POLR1E: variants seen among roughly 807,000 people sequenced by gnomAD.
The protein encoded by POLR1E is DNA-directed RNA polymerase I subunit RPA49.
POLR1E carries 37 observed loss-of-function variants against 50.9 expected under a neutral mutation model. The observed-to-expected ratio is 0.73, with a 90% CI of 0.56 to 0.96. The LOEUF (loss-of-function observed/expected upper bound fraction) is 0.96. Among genes scored for constraint, POLR1E ranks in the 40% least tolerant of loss-of-function variants. The probability of loss-of-function intolerance (pLI) is 0.00; values close to 1 mark genes in which losing one functional copy is unlikely to be tolerated. For synonymous variants in POLR1E, 166 were observed against 191.6 expected, an observed-to-expected ratio of 0.87 and a Z score of 1.10; for missense variants, 426 against 518.1, an observed-to-expected ratio of 0.82 and a Z score of 1.73.
chr9:37,491,037 G>A, intron 4 of POLR1E: 1 of 245,782 alleles, frequency 4.1e-6, no homozygotes, highest in Non-Finnish European at 8.0e-6. Context: ...CTTTCACGTT[G>A]AGGACAAGTC....
chr9:37,497,312 G>T (rs1048494739), intron 8 of POLR1E, among the ~76,000 whole-genome samples: 1 of 152,168 alleles, frequency 6.6e-6, no homozygotes. Flanking sequence ...CCAAGATTGC[G>T]CCATTGCACT....
intron 8 of POLR1E, among the ~76,000 whole-genome samples, chr9:37,497,565 C>G (rs1332690941): frequency 6.6e-6 from 1 of 152,142 alleles, no homozygotes; most frequent in Non-Finnish European, 1.5e-5. Context: ...GGAGCACAGC[C>G]CTGTTCATTT....
At chr9:37,495,688 C>T (rs1420920994) in intron 7 of POLR1E, among the ~76,000 whole-genome samples, 2 of 152,200 alleles carry the variant, frequency 1.3e-5, no homozygotes, top group African/African-American at 2.4e-5. Context: ...TGAGAAAAAG[C>T]AGAAAAGCCT....
Position 37,486,036 on chromosome 9 carries a change from C to T in POLR1E, c.-12C>T, listed in dbSNP as rs769644660. On this transcript the variant is annotated 5_prime_UTR_variant, in exon 1 of 12. Coordinates refer to ENST00000377798, the MANE Select transcript of POLR1E (RefSeq NM_022490.4). ...TGTCTTAACTCCTGTGCTTGGCGGA[C>T]AGACAGGCGAGATGGCGGCGGAGGT... 1.3e-6 allele frequency: 2 copies of T among 1,596,552 alleles called. No individual in the cohort carries two copies. The highest frequency in any genetic ancestry group is 1.1e-5 in the South Asian group (1 of 87,766).
rs188245174 is a variant in POLR1E, at chr9:37,489,866, G to A, written c.343+466G>A. Among the ~76,000 whole-genome samples the A allele has an allele frequency of 7.9e-5, 12 of 152,262 alleles. No individual in the cohort carries two copies. The East Asian group carries it at 9.7e-4, about 12-fold the overall frequency. On this transcript the variant is annotated intron_variant, in intron 4 of 11. Transcript: ENST00000377798. ...TAGGATTACAGGCGCTAGCCACTGC[G>A]CCCGGCCTAGAGTTTTTTATTCAGC...
At chr9:37,493,264 C>T (rs1358004402) in intron 5 of POLR1E, among the ~76,000 whole-genome samples, 1 of 152,164 alleles carries the variant, frequency 6.6e-6, no homozygotes, top group Non-Finnish European at 1.5e-5. Flanking sequence ...TCTACTATTC[C>T]TGTCTGTTAC....
intron 4 of POLR1E, among the ~76,000 whole-genome samples, chr9:37,492,130 C>G (rs2119004802): frequency 6.6e-6 from 1 of 152,202 alleles, no homozygotes. Context: ...GTTAGATGAC[C>G]TTATCAGGGG....
intron 11 of POLR1E, among the ~76,000 whole-genome samples, chr9:37,502,821 T>C (rs888582467): frequency 6.6e-6 from 1 of 152,216 alleles, no homozygotes; most frequent in Non-Finnish European, 1.5e-5. Context: ...ATCACCCATA[T>C]GGATCTTTTG....
intron 3 of POLR1E, among the ~76,000 whole-genome samples, chr9:37,488,873 A>G (rs538655679): frequency 6.7e-6 from 1 of 149,438 alleles, no homozygotes; most frequent in African/African-American, 2.5e-5. Flanking sequence ...GGGGTAGGGG[A>G]GATTATTGTT....
intron 4 of POLR1E, chr9:37,492,391 T>G (rs1309953334): frequency 9.2e-7 from 1 of 1,089,388 alleles, no homozygotes; most frequent in Non-Finnish European, 1.3e-6. Flanking sequence ...TAATTTCATC[T>G]GTGGGCCTTC....
chr9:37,495,120 G>A, intron 6 of POLR1E, 49 bp from the exon 7 acceptor site: 1 of 1,444,964 alleles, frequency 6.9e-7, no homozygotes, highest in Non-Finnish European at 9.7e-7. Flanking sequence ...GAATGTTGGG[G>A]AACTGGAAAC....
intron 8 of POLR1E, among the ~76,000 whole-genome samples, chr9:37,496,764 C>T (rs916340486): frequency 2.6e-5 from 4 of 151,816 alleles, no homozygotes; most frequent in Middle Eastern, 3.2e-3. Context: ...ACTGAGTCCC[C>T]GAACTCTGCC....
chr9:37,490,445 A>G (rs1588799749), intron 4 of POLR1E: 5 of 838,820 alleles, frequency 6.0e-6, no homozygotes, highest in Admixed American at 1.7e-5. Flanking sequence ...CATAGGGAAT[A>G]GGTTCCAGCA....
At position 37,501,749 on chromosome 9, in the gene POLR1E, G is replaced by C. The variant is rs148401018; in HGVS notation, c.1005G>C (p.Lys335Asn). ...TAATTTCGGATTCTATGAAGGCGAA[G>C]ATTACTGCATATGTGATCATACTTG... is the stretch of plus-strand genomic sequence containing the variant. ...RNLISDSMKA[K>N]ITAYVIILAL... Residue 335 changes from lysine (K) to asparagine (N), a missense_variant, in exon 11 of 12, where the codon AAG becomes AAC. Transcript: ENST00000377798. 7.9e-5 allele frequency: 128 copies of C among 1,613,788 alleles called. 2 individuals carry two copies. The Admixed American group carries it at 1.4e-3, about 17-fold the overall frequency.
chr9:37,499,673 C>T lies in POLR1E; in HGVS notation c.887-1167C>T, dbSNP rs557202303. On this transcript the variant is annotated intron_variant, in intron 9 of 11. Coordinates refer to ENST00000377798, the MANE Select transcript of POLR1E (RefSeq NM_022490.4). ...CCTCCCGAGTAGCTGGGATTACAGGCGGGCACCACCACGCCCAGCTAATTT... is the reference window on the plus strand; with the variant it reads ...CCTCCCGAGTAGCTGGGATTACAGGTGGGCACCACCACGCCCAGCTAATTT... 4.0e-5 allele frequency among the ~76,000 whole-genome samples: 6 copies of T among 151,340 alleles called. No individual in the cohort carries two copies. The South Asian group carries it at 1.1e-3, about 27-fold the overall frequency.
chr9:37,486,936 T>G, intron 2 of POLR1E, 130 bp downstream of exon 2: 1 of 1,085,290 alleles, frequency 9.2e-7, no homozygotes. Flanking sequence ...AGAACTCTGA[T>G]GCCCAGCAGC....
At chr9:37,498,427 C>G (rs1430754753) in intron 9 of POLR1E, among the ~76,000 whole-genome samples, 1 of 152,182 alleles carries the variant, frequency 6.6e-6, no homozygotes, top group Non-Finnish European at 1.5e-5. Context: ...ATTTTCTCAT[C>G]TGAAAATTGG....
In POLR1E at chr9:37,501,846, T is replaced by C. The variant is rs779044571; in HGVS notation, c.1100+2T>C. 6.2e-6 allele frequency: 10 copies of C among 1,612,276 alleles called. No homozygotes were observed. Among genetic ancestry groups the C allele is most frequent in the Middle Eastern group, 1.6e-4 (1 of 6,076 alleles). Reference sequence around the variant, plus strand: ...GGACTTGAAGCTCAGTGAGAAAAGGTGAGCACAACAGAATAAAGAGCTCCC... The same window carrying C: ...GGACTTGAAGCTCAGTGAGAAAAGGCGAGCACAACAGAATAAAGAGCTCCC... On this transcript the variant is annotated splice_donor_variant, in intron 11 of 11. Coordinates refer to ENST00000377798, the MANE Select transcript of POLR1E (RefSeq NM_022490.4). LOFTEE classifies it high-confidence loss of function.
In POLR1E at chr9:37,500,927, G is replaced by T; in HGVS notation, c.968+6G>T. 3.1e-6 allele frequency: 5 copies of T among 1,611,040 alleles called. No individual in the cohort carries two copies. Among genetic ancestry groups the T allele is most frequent in the Non-Finnish European group, 4.2e-6 (5 of 1,177,548 alleles). ...TTGACCTACAACAATGGCAGGTCAG[G>T]GGGTGGTTGCTGGGATTTTTCTTGT... On this transcript the variant is annotated splice_donor_region_variant and intron_variant, in intron 10 of 11. Coordinates refer to ENST00000377798, the MANE Select transcript of POLR1E (RefSeq NM_022490.4).
Sources: allele counts gnomAD v4.1 joint callset (sites outside exome capture counted in the v4.1 genomes callset), GRCh38; gene constraint gnomAD v4.1.1; transcripts MANE v1.5; gene names NCBI Gene and HGNC (gene_info 2026-07-23, HGNC 2026-07-21).